Variants in MESD observed in about 807,000 individuals in gnomAD.
MESD encodes mesoderm development LRP chaperone, also known as LRP chaperone MESD.
In MESD, 7 loss-of-function variants were observed where a neutral mutation model predicts 12.9. The observed-to-expected ratio is 0.54, with a 90% CI of 0.31 to 1.02. MESD has a LOEUF of 1.02. Among genes scored for constraint, MESD ranks in the 50% least tolerant of loss-of-function variants. The pLI, the probability that MESD is intolerant of heterozygous loss-of-function variation, is 0.05. For synonymous variants in MESD, 126 were observed against 115.6 expected, an observed-to-expected ratio of 1.09 and a Z score of -0.58; for missense variants, 342 against 296.7, an observed-to-expected ratio of 1.15 and a Z score of -1.12.
intron 3 of MESD, among the ~76,000 whole-genome samples, chr15:80,958,444 C>T (rs1902027003): frequency 6.6e-6 from 1 of 152,208 alleles, no homozygotes; most frequent in African/African-American, 2.4e-5. Flanking sequence ...AATTCTCCCA[C>T]CTCAGCCTCC....
chr15:80,969,396 C>T lies in MESD; in HGVS notation c.*288+9535G>A, dbSNP rs568172503. ...TTGCTATCTTTATCTCCACTGCCTG[C>T]ACACTTCCCGAAACTTATTGGTGTT... is the stretch of plus-strand genomic sequence containing the variant. On this transcript the variant is annotated intron_variant, in intron 3 of 4. Coordinates refer to the MESD transcript ENST00000561312. Among the ~76,000 whole-genome samples, 8 of 152,194 alleles carry T rather than the reference C, an allele frequency of 5.3e-5. No individual in the cohort carries two copies. The South Asian group carries it at 1.7e-3, about 32-fold the overall frequency.
intron 1 of MESD, among the ~76,000 whole-genome samples, chr15:80,987,461 G>C (rs1035973273): frequency 7.9e-5 from 12 of 151,918 alleles, no homozygotes; most frequent in African/African-American, 2.9e-4. Context: ...GAAGTAGCTA[G>C]TGAGGGGTAA....
chr15:80,952,276 C>A, exon 4 of MESD: 1 of 455,638 alleles, frequency 2.2e-6, no homozygotes, highest in Non-Finnish European at 4.4e-6. Flanking sequence ...CCTCAGGCAG[C>A]ACTGGAAGGG....
intron 2 of MESD, 85 bp downstream of exon 2, chr15:80,981,865 A>G (rs927550333): frequency 2.0e-6 from 2 of 1,016,906 alleles, no homozygotes; most frequent in Non-Finnish European, 2.9e-6. Flanking sequence ...CAAAAAAATC[A>G]TCATCATCAT....
chr15:80,983,125 C>T (rs1902628125), intron 1 of MESD, among the ~76,000 whole-genome samples: 1 of 151,900 alleles, frequency 6.6e-6, no homozygotes, highest in Non-Finnish European at 1.5e-5. Flanking sequence ...TGCCTGTAGT[C>T]CTAGCTACTC....
chr15:80,946,896 AT>A (rs1901578450), downstream of MESD: 1 of 1,052,078 alleles, frequency 9.5e-7, no homozygotes, highest in East Asian at 2.4e-5. Flanking sequence ...ACAAACCAAC[AT>A]CCCTCCCCAT....
intron 3 of MESD, among the ~76,000 whole-genome samples, chr15:80,968,425 G>A (rs1375232546): frequency 6.6e-6 from 1 of 152,220 alleles, no homozygotes; most frequent in Admixed American, 6.5e-5. Flanking sequence ...TCTCCTAGCT[G>A]TGACTCTCAG....
At chr15:80,967,820 G>C (rs1285251721) in intron 3 of MESD, among the ~76,000 whole-genome samples, 4 of 152,334 alleles carry the variant, frequency 2.6e-5, no homozygotes, top group East Asian at 3.9e-4. Context: ...AATTGCCCTA[G>C]GTCTGCCAGG....
downstream of MESD, among the ~76,000 whole-genome samples, chr15:80,975,227 A>C (rs888349109): frequency 4.6e-5 from 7 of 151,598 alleles, no homozygotes; most frequent in Non-Finnish European, 7.4e-5. Context: ...AAAACAAAAA[A>C]AAAAAAACCT....
At chr15:80,985,943 C>A (rs1384601851) in intron 1 of MESD, among the ~76,000 whole-genome samples, 1 of 152,050 alleles carries the variant, frequency 6.6e-6, no homozygotes, top group African/African-American at 2.4e-5. Flanking sequence ...GCATGAGCCA[C>A]TAAGCCCAGT....
intron 3 of MESD, among the ~76,000 whole-genome samples, chr15:80,960,624 G>C (rs1471653415): frequency 6.6e-6 from 1 of 152,098 alleles, no homozygotes; most frequent in Admixed American, 6.5e-5. Flanking sequence ...TTGGGGATGA[G>C]GAACGCTTTC....
At chr15:80,966,330 T>C (rs1342639762) in intron 3 of MESD, among the ~76,000 whole-genome samples, 1 of 152,040 alleles carries the variant, frequency 6.6e-6, no homozygotes, top group Non-Finnish European at 1.5e-5. Flanking sequence ...AACCTAAATG[T>C]TCATCTACAC....
chr15:80,972,930 G>A (rs1286827597), downstream of MESD, among the ~76,000 whole-genome samples: 1 of 152,170 alleles, frequency 6.6e-6, no homozygotes, highest in African/African-American at 2.4e-5. Flanking sequence ...GCTGAGGCAG[G>A]AGAATCACTT....
At chr15:80,961,170 G>T (rs1902079612) in intron 3 of MESD, among the ~76,000 whole-genome samples, 1 of 151,712 alleles carries the variant, frequency 6.6e-6, no homozygotes, top group African/African-American at 2.4e-5. Context: ...CACACAATTT[G>T]CAAACAATCC....
downstream of MESD, chr15:80,946,519 C>T (rs955941043): frequency 5.4e-6 from 1 of 186,706 alleles, no homozygotes; most frequent in African/African-American, 2.3e-5. Context: ...TCCCGCACCT[C>T]CTCTCTTTCT....
intron 3 of MESD, among the ~76,000 whole-genome samples, chr15:80,969,972 T>G (rs1420651192): frequency 6.6e-6 from 1 of 152,240 alleles, no homozygotes; most frequent in African/African-American, 2.4e-5. Context: ...TGACAGTATT[T>G]ACTGCATAGG....
intron 3 of MESD, among the ~76,000 whole-genome samples, chr15:80,968,457 G>A (rs1222642279): frequency 3.3e-5 from 5 of 152,164 alleles, no homozygotes; most frequent in Non-Finnish European, 7.3e-5. Flanking sequence ...ACCCCTACAA[G>A]CTTCTGTCTA....
intron 4 of MESD, chr15:80,950,908 C>T (rs1467141011): frequency 6.5e-6 from 1 of 152,740 alleles, no homozygotes; most frequent in African/African-American, 2.4e-5. Context: ...TGGCTCCCTC[C>T]ACCCAACTGC....
chr15:80,984,089 C>T (rs572317872), intron 1 of MESD, among the ~76,000 whole-genome samples: 78 of 151,880 alleles, frequency 5.1e-4, no homozygotes, highest in Non-Finnish European at 9.3e-4. Flanking sequence ...TTAGTAGAGA[C>T]GGGGTTTTGC....
Sources: allele counts gnomAD v4.1 joint callset (sites outside exome capture counted in the v4.1 genomes callset), GRCh38; gene constraint gnomAD v4.1.1; transcripts MANE v1.5; gene names NCBI Gene and HGNC (gene_info 2026-07-23, HGNC 2026-07-21).